Variants in EFCAB6 observed in about 807,000 individuals in gnomAD.
EFCAB6 encodes EF-hand calcium binding domain 6.
A neutral mutation model predicts 169.8 loss-of-function variants in EFCAB6; 156 were observed. The ratio of observed to expected loss-of-function variants is 0.92; its 90% CI spans 0.81 to 1.05. The LOEUF (loss-of-function observed/expected upper bound fraction) is 1.05, where lower values mean the gene tolerates loss of function less well. Ranked by LOEUF, EFCAB6 falls within the 50% of genes least tolerant of loss-of-function variation. The pLI is 0.00. For synonymous variants in EFCAB6, 698 were observed against 676.4 expected, an observed-to-expected ratio of 1.03 and a Z score of -0.50; for missense variants, 1,800 against 1,829.1, an observed-to-expected ratio of 0.98 and a Z score of 0.29.
At chr22:43,773,788 G>A (rs946563683) in intron 3 of EFCAB6, among the ~76,000 whole-genome samples, 13 of 152,200 alleles carry the variant, frequency 8.5e-5, no homozygotes, top group African/African-American at 2.9e-4. Flanking sequence ...CTGAGGTTGC[G>A]GTGAGCTGGC....
At chr22:43,797,258 T>A (rs551686136) in intron 2 of EFCAB6, 1 of 152,818 alleles carries the variant, frequency 6.5e-6, no homozygotes, top group Non-Finnish European at 1.5e-5. Context: ...GCTTTGGTAC[T>A]GCCTGAGAGG....
intron 17 of EFCAB6, among the ~76,000 whole-genome samples, chr22:43,665,030 G>C (rs1272384459): frequency 6.6e-6 from 1 of 152,208 alleles, no homozygotes; most frequent in Admixed American, 6.5e-5. Context: ...TGAATTGGAT[G>C]TGGGTACAAG....
At chr22:43,593,055 AGAG>A in intron 23 of EFCAB6, among the ~76,000 whole-genome samples, 1 of 144,732 alleles carries the variant, frequency 6.9e-6, no homozygotes, top group Non-Finnish European at 1.5e-5. Context: ...GTGTCAGTAT[AGAG>A]GAGGAGGTAA....
At chr22:43,793,536 C>A (rs1177308043) in intron 2 of EFCAB6, among the ~76,000 whole-genome samples, 1 of 138,682 alleles carries the variant, frequency 7.2e-6, no homozygotes, top group African/African-American at 2.7e-5. Context: ...ATATAACCCA[C>A]CCTGACCCTC....
chr22:43,530,988 G>A lies in EFCAB6; in HGVS notation c.4234-24C>T. 2.5e-6 allele frequency: 4 copies of A among 1,595,234 alleles called. No homozygotes were observed. In the South Asian group the frequency reaches 3.3e-5, roughly 13 times the overall value. On this transcript the variant is annotated intron_variant, in intron 30 of 31. Transcript: ENST00000262726. ...TTCTAGACACAAGACAAGAAGGGGTGAGGAGGGAGCTTTTGAACACGAGGG... is the reference window on the plus strand; with the variant it reads ...TTCTAGACACAAGACAAGAAGGGGTAAGGAGGGAGCTTTTGAACACGAGGG...
intron 2 of EFCAB6, among the ~76,000 whole-genome samples, chr22:43,786,410 A>C (rs1046810423): frequency 6.6e-6 from 1 of 151,980 alleles, no homozygotes; most frequent in African/African-American, 2.4e-5. Context: ...CTGATACCAA[A>C]TCAGAAAAGA....
At chr22:43,766,088 G>T (rs1569478650) in intron 4 of EFCAB6, among the ~76,000 whole-genome samples, 1 of 151,934 alleles carries the variant, frequency 6.6e-6, no homozygotes, top group African/African-American at 2.4e-5. Flanking sequence ...CAGGCTGGAG[G>T]GCAGTCACAG....
Position 43,534,856 on chromosome 22 carries a change from G to C in EFCAB6, c.4065C>G (p.Phe1355Leu). The change falls in exon 30 of 32, where the codon TTC (phenylalanine) becomes TTG (leucine). Residue 1355 changes from phenylalanine to leucine, a missense_variant. Coordinates refer to ENST00000262726, the MANE Select transcript of EFCAB6 (RefSeq NM_022785.4). ...ASDFLALVEK[F>L]NLDISKEECQ... ...ACTCCTCTTTGCTTATGTCCAGGTTGAATTTCTCCACAAGAGCTACAGAAA... is the reference window on the plus strand; with the variant it reads ...ACTCCTCTTTGCTTATGTCCAGGTTCAATTTCTCCACAAGAGCTACAGAAA... 1 of 1,602,552 alleles carries C rather than the reference G, an allele frequency of 6.2e-7. No individual in the cohort carries two copies.
At chr22:43,786,461 C>T in intron 2 of EFCAB6, among the ~76,000 whole-genome samples, 1 of 152,156 alleles carries the variant, frequency 6.6e-6, no homozygotes. Flanking sequence ...GTGGCTCACG[C>T]CTGTAATCCC....
intron 10 of EFCAB6, among the ~76,000 whole-genome samples, chr22:43,693,161 T>C (rs1042985977): frequency 6.6e-6 from 1 of 152,108 alleles, no homozygotes; most frequent in Non-Finnish European, 1.5e-5. Context: ...GATTTCTTTA[T>C]AAAACAAGAT....
In EFCAB6 at chr22:43,626,430, C is replaced by G. The variant is rs2054528629; in HGVS notation, c.2465+17G>C. 6.2e-7 allele frequency: 1 copy of G among 1,611,658 alleles called. No homozygotes were observed. The highest frequency in any genetic ancestry group is 1.3e-5 in the African/African-American group (1 of 74,832). On this transcript the variant is annotated intron_variant, in intron 20 of 31. Transcript: ENST00000262726. ...GCCGGCATATATTAAAGACACAGAC[C>G]CGTGCTGCCTTCTTACCTAATGAGT...
At chr22:43,658,540 G>C (rs948513157) in intron 17 of EFCAB6, among the ~76,000 whole-genome samples, 1 of 152,148 alleles carries the variant, frequency 6.6e-6, no homozygotes, top group Non-Finnish European at 1.5e-5. Flanking sequence ...CCACACTTTC[G>C]TGGTACGCAG....
intron 6 of EFCAB6, among the ~76,000 whole-genome samples, chr22:43,736,622 G>T (rs5764259): frequency 0.88 from 131,179 of 149,224 alleles, 57,717 homozygotes; most frequent in East Asian, 0.99. Context: ...GAGCACCCAG[G>T]ATATTTATTG....
chr22:43,673,221 A>C (rs975485562), intron 13 of EFCAB6, among the ~76,000 whole-genome samples: 2 of 151,982 alleles, frequency 1.3e-5, no homozygotes, highest in African/African-American at 4.8e-5. Flanking sequence ...AGAAAAAAAA[A>C]CTTCCTTTCA....
intron 23 of EFCAB6, among the ~76,000 whole-genome samples, chr22:43,592,272 A>G (rs1309195899): frequency 2.0e-5 from 3 of 152,182 alleles, no homozygotes; most frequent in African/African-American, 7.2e-5. Context: ...ACATTTGAGT[A>G]CTTAATACAA....
chr22:43,769,263 T>A (rs543243419), intron 4 of EFCAB6, among the ~76,000 whole-genome samples: 1 of 152,318 alleles, frequency 6.6e-6, no homozygotes, highest in South Asian at 2.1e-4. Context: ...TCCATTGATA[T>A]GAAATATCCA....
At chr22:43,755,407 G>T (rs2060919967) in intron 6 of EFCAB6, among the ~76,000 whole-genome samples, 1 of 152,182 alleles carries the variant, frequency 6.6e-6, no homozygotes, top group Non-Finnish European at 1.5e-5. Flanking sequence ...CTCTTGATTG[G>T]CATTGACTGC....
intron 6 of EFCAB6, among the ~76,000 whole-genome samples, chr22:43,737,484 ACAC>A (rs946270122): frequency 1.2e-4 from 17 of 143,322 alleles, no homozygotes; most frequent in African/African-American, 4.5e-4. Flanking sequence ...ATATTCACAC[ACAC>A]ACCACTCACA....
rs543242459 is a variant in EFCAB6 at position 43,632,321 on chromosome 22, C to T, written c.2099-83G>A. ...TTTTTTTTTTTTTTTTTTTTTGAGA[C>T]GGAGTCTCGCTCTTGTTGCCCAGGC... is the stretch of plus-strand genomic sequence containing the variant. On this transcript the variant is annotated intron_variant, in intron 18 of 31. Coordinates refer to ENST00000262726, the MANE Select transcript of EFCAB6 (RefSeq NM_022785.4). 1,785 of 1,250,068 alleles carry T rather than the reference C, an allele frequency of 1.4e-3. 1 individual carries two copies. Among genetic ancestry groups the T allele is most frequent in the African/African-American group, 3.0e-3 (140 of 46,076 alleles). The allele number at this position is 1,250,068 out of a possible 1,614,324, so 77.4% of individuals were successfully genotyped here.
Sources: allele counts gnomAD v4.1 joint callset (sites outside exome capture counted in the v4.1 genomes callset), GRCh38; gene constraint gnomAD v4.1.1; transcripts MANE v1.5; gene names NCBI Gene and HGNC (gene_info 2026-07-23, HGNC 2026-07-21).